C10orf120: variants seen among roughly 807,000 people sequenced by gnomAD.
C10orf120 encodes the protein uncharacterized protein C10orf120.
Under a neutral mutation model 10.8 loss-of-function variants are expected in C10orf120, and 15 were observed. That is an observed-to-expected ratio of 1.39 (90% CI 0.93 to 2.14). The LOEUF (loss-of-function observed/expected upper bound fraction) is 2.14, where lower values mean the gene tolerates loss of function less well. Among genes scored for constraint, C10orf120 ranks in the 30% most tolerant of loss-of-function variants. The pLI is 0.00. For synonymous variants in C10orf120, 141 were observed against 138.9 expected (o/e 1.02, Z -0.11); for missense variants, 447 against 411.3 (o/e 1.09, Z -0.75).
chr10:122,698,001 A>G lies in C10orf120; in HGVS notation c.740T>C (p.Phe247Ser), dbSNP rs1222934728. 1 of 1,608,530 alleles carries G rather than the reference A, an allele frequency of 6.2e-7. No individual in the cohort carries two copies. The highest frequency in any genetic ancestry group is 2.2e-5 in the East Asian group (1 of 44,848). ...KRREIKMNVV[F>S]KSKEPKKCLT... ...ACATTTTTTTGGTTCTTTTGACTTGAAAACTACATTCATTTTTATTTCTCG... is the reference window on the plus strand; with the variant it reads ...ACATTTTTTTGGTTCTTTTGACTTGGAAACTACATTCATTTTTATTTCTCG... The change falls in exon 3 of 3, where the codon TTC becomes TCC. Residue 247 changes from phenylalanine (F) to serine (S), a missense_variant. Phe to Ser is a radical substitution (Grantham distance 155). Coordinates refer to ENST00000329446, the MANE Select transcript of C10orf120 (RefSeq NM_001010912.4).
Position 122,698,179 on chromosome 10 carries a change from T to G in C10orf120, c.562A>C (p.Arg188=). The part of the protein sequence containing the change: ...GNHQPLPYIE[R]FTRSSFLSGV... ...GACAGAAATGAGGAGCGTGTAAACC[T>G]TTCAATGTAGGGTAAAGGCTGATGA... is the stretch of plus-strand genomic sequence containing the variant. The change falls in exon 3 of 3, where the codon AGG becomes CGG. Residue 188 remains arginine (R), a synonymous_variant. Coordinates refer to ENST00000329446, the MANE Select transcript of C10orf120 (RefSeq NM_001010912.4). 6.2e-7 allele frequency: 1 copy of G among 1,613,262 alleles called. No individual in the cohort carries two copies. Among genetic ancestry groups the G allele is most frequent in the Non-Finnish European group, 8.5e-7 (1 of 1,179,774 alleles).
Position 122,698,236 on chromosome 10 carries a change from C to T in C10orf120, c.505G>A (p.Glu169Lys), listed in dbSNP as rs1845814486. Residue 169 changes from glutamate (E) to lysine (K), a missense_variant, in exon 3 of 3, where the codon GAG (glutamate) becomes AAG (lysine). Physicochemically the swap from Glu to Lys is moderately conservative, Grantham distance 56. Transcript: ENST00000329446. ...AGAGCCCGAGCAAGCCTCATCCTCT[C>T]TATGTGCTTACTGACGTTCACCTGC... ...REQVNVSKHI[E>K]RMRLARALGN... is the part of the protein sequence containing the mutation. 3.1e-6 allele frequency: 5 copies of T among 1,614,206 alleles called. No individual in the cohort carries two copies. The East Asian group carries it at 6.7e-5, about 22-fold the overall frequency.
chr10:122,699,445 T>A (rs746928853), intron 1 of C10orf120, 33 bp from the exon 2 acceptor site: 3 of 1,572,114 alleles, frequency 1.9e-6, no homozygotes, highest in Non-Finnish European at 2.6e-6. Flanking sequence ...ATCAGAATTC[T>A]GGAAAGGCTC....
At position 122,699,748 on chromosome 10, in the gene C10orf120, GT is replaced by G; in HGVS notation, c.42del (p.Lys14AsnfsTer39). The G allele has an allele frequency of 6.2e-7, 1 of 1,613,998 alleles. No individual in the cohort carries two copies. Among genetic ancestry groups the G allele is most frequent in the Non-Finnish European group, 8.5e-7 (1 of 1,179,934 alleles). On this transcript the variant is annotated frameshift_variant, in exon 1 of 3. Transcript: ENST00000329446. LOFTEE classifies it high-confidence loss of function. ...EWKNDCQRIEKQRASDTMVQE... is the reference protein window; with the variant it reads ...EWKNDCQRIEXQRASDTMVQE... ...TGCACCATTGTGTCACTAGCCCTCT[GT>G]TTTTCAATCCTCTGACAGTCATTCT...
rs1240570346 is a variant in C10orf120, at chr10:122,698,185, T to G, written c.556A>C (p.Ile186Leu). Residue 186 changes from isoleucine (I) to leucine (L), a missense_variant, in exon 3 of 3, where the codon ATT becomes CTT. Coordinates refer to ENST00000329446, the MANE Select transcript of C10orf120 (RefSeq NM_001010912.4). ...ALGNHQPLPY[I>L]ERFTRSSFLS... ...AATGAGGAGCGTGTAAACCTTTCAA[T>G]GTAGGGTAAAGGCTGATGATTTCCC... is the stretch of plus-strand genomic sequence containing the variant. The G allele has an allele frequency of 1.9e-6, 3 of 1,613,342 alleles. No individual in the cohort carries two copies. The South Asian group carries it at 3.3e-5, about 18-fold the overall frequency.
chr10:122,698,482 C>T lies in C10orf120; in HGVS notation c.259G>A (p.Gly87Ser). 6.2e-7 allele frequency: 1 copy of T among 1,614,060 alleles called. No individual in the cohort carries two copies. The highest frequency in any genetic ancestry group is 8.5e-7 in the Non-Finnish European group (1 of 1,180,022). ...CTTGCTGCTATGGTGTGAATGCCAC[C>T]TAGACGCTGACAATGGAGAAAGGAC... ...SPLEKEILRL[G>S]GIHTIAARRL... The change falls in exon 3 of 3, where the codon GGT becomes AGT. Residue 87 changes from glycine (G) to serine (S), a missense_variant. Coordinates refer to ENST00000329446, the MANE Select transcript of C10orf120 (RefSeq NM_001010912.4).
Position 122,698,103 on chromosome 10 carries a change from T to A in C10orf120, c.638A>T (p.Asp213Val). The A allele has an allele frequency of 1.2e-6, 2 of 1,614,002 alleles. No homozygotes were observed. Among genetic ancestry groups the A allele is most frequent in the Non-Finnish European group, 1.7e-6 (2 of 1,179,972 alleles). The change falls in exon 3 of 3, where the codon GAC becomes GTC. Residue 213 changes from aspartate to valine, a missense_variant. Physicochemically the swap from Asp to Val is radical, Grantham distance 152. Coordinates refer to ENST00000329446, the MANE Select transcript of C10orf120 (RefSeq NM_001010912.4). ...MAKNKARRKEDNYDTHNCDDA... is the reference protein window; with the variant it reads ...MAKNKARRKEVNYDTHNCDDA... The stretch of plus-strand genomic sequence containing the variant: ...ATCACAATTATGGGTGTCATAGTTG[T>A]CTTCCTTTCGTCTGGCCTTATTTTT...
In C10orf120 at chr10:122,699,140, C is replaced by CAAAAAAAAAAAAA. The variant is rs67633673; in HGVS notation, c.252+184_252+196dup. Among the ~76,000 whole-genome samples the CAAAAAAAAAAAAA allele has an allele frequency of 5.0e-4, 11 of 21,830 alleles. 1 individual carries two copies. The highest frequency in any genetic ancestry group is 8.1e-4 in the Non-Finnish European group (10 of 12,296). 14.3% of individuals were successfully genotyped at this position (21,830 alleles called of 152,430 possible). On this transcript the variant is annotated intron_variant, in intron 2 of 2. Transcript: ENST00000329446. Reference sequence around the variant, plus strand: ...TGGGCGACAGAGCGAGACTCCGTCTCAAAAAAAAAAAAAAAAAAAAAAAAA... The same window carrying CAAAAAAAAAAAAA: ...TGGGCGACAGAGCGAGACTCCGTCTCAAAAAAAAAAAAAAAAAAAAAAAAAAAAAAAAAAAAAA...
At position 122,697,969 on chromosome 10, in the gene C10orf120, A is replaced by G. The variant is rs2133746109; in HGVS notation, c.772T>C (p.Tyr258His). The G allele has an allele frequency of 1.2e-6, 2 of 1,611,434 alleles. No individual in the cohort carries two copies. The highest frequency in any genetic ancestry group is 8.5e-7 in the Non-Finnish European group (1 of 1,179,260). The change falls in exon 3 of 3, where the codon TAC becomes CAC. Residue 258 changes from tyrosine to histidine, a missense_variant. Transcript: ENST00000329446. Reference protein sequence around the residue: ...KSKEPKKCLTYHGNDRKSFLP... With the variant: ...KSKEPKKCLTHHGNDRKSFLP... ...AATGATTTGCGATCATTTCCATGGTATGTTAAACATTTTTTTGGTTCTTTT... is the reference window on the plus strand; with the variant it reads ...AATGATTTGCGATCATTTCCATGGTGTGTTAAACATTTTTTTGGTTCTTTT...
chr10:122,699,044 G>A (rs1412459465), intron 2 of C10orf120, among the ~76,000 whole-genome samples: 1 of 144,144 alleles, frequency 6.9e-6, no homozygotes, highest in African/African-American at 2.6e-5. Context: ...TGAGGCAGGA[G>A]AATGGCGTGA....
rs756447933 is a variant in C10orf120, at chr10:122,699,595, A to G, written c.176+20T>C. 2.4e-5 allele frequency: 38 copies of G among 1,589,674 alleles called. No homozygotes were observed. Among genetic ancestry groups the G allele is most frequent in the Non-Finnish European group, 3.3e-5 (38 of 1,166,710 alleles). ...GGCCTCTTTCTGACATGGACAGACTAAAGTGCAAGTCAGACTCACCGCAAC... is the reference window on the plus strand; with the variant it reads ...GGCCTCTTTCTGACATGGACAGACTGAAGTGCAAGTCAGACTCACCGCAAC... On this transcript the variant is annotated intron_variant, in intron 1 of 2. Transcript: ENST00000329446.
rs1426115877 is a variant in C10orf120, at chr10:122,697,924, C to T, written c.817G>A (p.Glu273Lys). 2 of 1,614,126 alleles carry T rather than the reference C, an allele frequency of 1.2e-6. No individual in the cohort carries two copies. Among genetic ancestry groups the T allele is most frequent in the Non-Finnish European group, 1.7e-6 (2 of 1,180,030 alleles). Residue 273 changes from glutamate to lysine, a missense_variant, in exon 3 of 3, where the codon GAA (glutamate) becomes AAA (lysine). Transcript: ENST00000329446. ...TTTGTTAGGCCTGCGATGGACCGTT[C>T]CGGTTTCTTTGCGGGGAGGAATGAT... ...RKSFLPAKKP[E>K]RSIAGLTNRN...
Position 122,699,808 on chromosome 10 carries a change from G to A in C10orf120, c.-18C>T, listed in dbSNP as rs1845835200. On this transcript the variant is annotated 5_prime_UTR_variant, in exon 1 of 3. Transcript: ENST00000329446. ...CTGATCATACTCCGGCAATAAGCTAGGACGGGAGGTGTTCACACCTGGAGT... is the reference window on the plus strand; with the variant it reads ...CTGATCATACTCCGGCAATAAGCTAAGACGGGAGGTGTTCACACCTGGAGT... 6.2e-7 allele frequency: 1 copy of A among 1,600,982 alleles called. No homozygotes were observed. Among genetic ancestry groups the A allele is most frequent in the African/African-American group, 1.3e-5 (1 of 74,542 alleles).
intron 2 of C10orf120, 31 bp downstream of exon 2, chr10:122,699,306 C>T (rs757590480): frequency 2.0e-6 from 3 of 1,530,834 alleles, no homozygotes; most frequent in African/African-American, 2.7e-5. Context: ...TTCAGTGGGG[C>T]CTCTCCGTGT....
At chr10:122,699,140 C>CAAAA (rs67633673) in intron 2 of C10orf120, among the ~76,000 whole-genome samples, 197 bp downstream of exon 2, 630 of 21,822 alleles carry the variant, frequency 0.029, 131 homozygotes, top group South Asian at 0.078. Context: ...GACTCCGTCT[C>CAAAA]AAAAAAAAAA....
In C10orf120 at chr10:122,699,411, T is replaced by C; in HGVS notation, c.178A>G (p.Ile60Val). The change falls in exon 2 of 3, where the codon ATA (isoleucine) becomes GTA (valine). Residue 60 changes from isoleucine (I) to valine (V), a missense_variant and splice_region_variant. Ile to Val is a conservative substitution (Grantham distance 29, BLOSUM62 3). Coordinates refer to ENST00000329446, the MANE Select transcript of C10orf120 (RefSeq NM_001010912.4). The stretch of plus-strand genomic sequence containing the variant: ...TCTGATCTGTAGAATTTGCTCCATA[T>C]CCTGCAAGAAGAGAAGCAGGAATAT... ...EDLSSASPLR[I>V]WSKFYRSDPR... 1 of 1,610,428 alleles carries C rather than the reference T, an allele frequency of 6.2e-7. No individual in the cohort carries two copies. The highest frequency in any genetic ancestry group is 1.7e-5 in the Admixed American group (1 of 59,910).
rs377266082 is a variant in C10orf120 at position 122,699,655 on chromosome 10, T to C, written c.136A>G (p.Thr46Ala). ...TNSSFQDQAP[T>A]CCQEDLSSAS... Reference sequence around the variant, plus strand: ...GAACTCAGATCCTCTTGGCAACACGTTGGGGCTTGATCCTGAAAGGAAGAG... The same window carrying C: ...GAACTCAGATCCTCTTGGCAACACGCTGGGGCTTGATCCTGAAAGGAAGAG... Residue 46 changes from threonine (T) to alanine (A), a missense_variant, in exon 1 of 3, where the codon ACG (threonine) becomes GCG (alanine). Coordinates refer to ENST00000329446, the MANE Select transcript of C10orf120 (RefSeq NM_001010912.4). 3 of 1,613,644 alleles carry C rather than the reference T, an allele frequency of 1.9e-6. No homozygotes were observed. The highest frequency in any genetic ancestry group is 2.7e-5 in the African/African-American group (2 of 74,918).
intron 2 of C10orf120, among the ~76,000 whole-genome samples, chr10:122,699,103 C>T (rs1038275397): frequency 1.5e-5 from 2 of 133,762 alleles, no homozygotes; most frequent in Non-Finnish European, 3.1e-5. Context: ...CACTGCAGTC[C>T]GCAGTCCGGC....
chr10:122,699,456 T>G (rs1204677524), intron 1 of C10orf120, 44 bp from the exon 2 acceptor site: 1 of 1,541,512 alleles, frequency 6.5e-7, no homozygotes. Flanking sequence ...GGAAAGGCTC[T>G]TCCTACTTTT....
Sources: allele counts gnomAD v4.1 joint callset (sites outside exome capture counted in the v4.1 genomes callset), GRCh38; gene constraint gnomAD v4.1.1; transcripts MANE v1.5; gene names NCBI Gene and HGNC (gene_info 2026-07-23, HGNC 2026-07-21).